Variants in RBL2 observed in about 807,000 individuals in gnomAD.
The protein encoded by RBL2 is retinoblastoma-like protein 2.
In RBL2, 56 loss-of-function variants were observed where a neutral mutation model predicts 126.0. The ratio of observed to expected loss-of-function variants is 0.44; its 90% confidence interval spans 0.36 to 0.56. The LOEUF is 0.56. Ranked by LOEUF, RBL2 falls within the 20% of genes least tolerant of loss-of-function variation. The pLI is 0.00. For missense variants in RBL2, 1,229 were observed against 1,398.2 expected (o/e 0.88, Z 1.93); for synonymous variants, 454 against 478.5 (o/e 0.95, Z 0.67).
intron 8 of RBL2, 123 bp downstream of exon 8, chr16:53,454,965 C>T: frequency 1.4e-6 from 1 of 718,044 alleles, no homozygotes; most frequent in Non-Finnish European, 2.1e-6. Context: ...AAATTCTCAT[C>T]ATACTTCTCT....
chr16:53,472,242 TTGAG>T (rs759742175), intron 17 of RBL2, among the ~76,000 whole-genome samples: 11 of 152,186 alleles, frequency 7.2e-5, no homozygotes, highest in Admixed American at 2.0e-4. Context: ...ATGTACCTGT[TTGAG>T]TGCCCATTTT....
At chr16:53,477,056 T>TG (rs1960750036) in intron 17 of RBL2, among the ~76,000 whole-genome samples, 1 of 50,146 alleles carries the variant, frequency 2.0e-5, no homozygotes, top group African/African-American at 9.4e-5. Flanking sequence ...TTGGTTTCAT[T>TG]TTGTGTGTGT....
intron 1 of RBL2, among the ~76,000 whole-genome samples, chr16:53,435,289 G>GCA (rs566332273): frequency 1.4e-3 from 210 of 152,266 alleles, no homozygotes; most frequent in Non-Finnish European, 2.6e-3. Flanking sequence ...GAGTCAACGT[G>GCA]CTGATGCGTT....
intron 5 of RBL2, among the ~76,000 whole-genome samples, chr16:53,452,772 T>C (rs1175133354): frequency 6.6e-6 from 1 of 152,074 alleles, no homozygotes; most frequent in African/African-American, 2.4e-5. Context: ...GCTCAGATGA[T>C]CCTCTCATCT....
intron 17 of RBL2, among the ~76,000 whole-genome samples, chr16:53,474,301 T>TTTTATTTATTTATTTA (rs58302976): frequency 3.6e-4 from 54 of 149,926 alleles, no homozygotes; most frequent in African/African-American, 1.2e-3. Flanking sequence ...GCTGTAATTC[T>TTTTATTTATTTATTTA]TTTATTTATT....
chr16:53,485,215 T>G (rs889441172), intron 21 of RBL2, among the ~76,000 whole-genome samples: 5 of 152,202 alleles, frequency 3.3e-5, no homozygotes, highest in Admixed American at 1.3e-4. Flanking sequence ...AGGGTTGAAA[T>G]ACTGTGTTTT....
At chr16:53,476,953 T>A (rs952456921) in intron 17 of RBL2, among the ~76,000 whole-genome samples, 1 of 152,260 alleles carries the variant, frequency 6.6e-6, no homozygotes, top group African/African-American at 2.4e-5. Context: ...TCTGCCATTT[T>A]ACTTTTTGTT....
chr16:53,449,958 C>CTTTT (rs764078451), intron 4 of RBL2, among the ~76,000 whole-genome samples: 6 of 109,742 alleles, frequency 5.5e-5, no homozygotes, highest in Non-Finnish European at 9.3e-5. Flanking sequence ...ACAGTACTGC[C>CTTTT]TTTTTTTTTT....
At chr16:53,449,293 A>C (rs1598095549) in intron 4 of RBL2, 2 of 152,196 alleles carry the variant, frequency 1.3e-5, no homozygotes, top group African/African-American at 4.8e-5. Context: ...TTGGTACTAT[A>C]TATAATATGT....
chr16:53,461,881 T>A (rs781735246), intron 10 of RBL2, 31 bp downstream of exon 10: 2 of 1,550,336 alleles, frequency 1.3e-6, no homozygotes, highest in Admixed American at 3.4e-5. Context: ...TCTGCTTTTA[T>A]GTTTGAAGTT....
At chr16:53,467,204 T>G in intron 14 of RBL2, 35 bp downstream of exon 14, 2 of 1,525,276 alleles carry the variant, frequency 1.3e-6, no homozygotes, top group African/African-American at 1.4e-5. Flanking sequence ...ATTTTGGGGC[T>G]TACTATCTGG....
intron 9 of RBL2, among the ~76,000 whole-genome samples, chr16:53,460,775 T>C (rs1419006308): frequency 6.6e-6 from 1 of 152,190 alleles, no homozygotes; most frequent in Non-Finnish European, 1.5e-5. Context: ...GTAATTGATT[T>C]TTATTCTCTT....
At position 53,470,664 on chromosome 16, in the gene RBL2, G is replaced by A; in HGVS notation, c.2526+1G>A. 2 of 1,613,690 alleles carry A rather than the reference G, an allele frequency of 1.2e-6. No individual in the cohort carries two copies. Among genetic ancestry groups the A allele is most frequent in the Non-Finnish European group, 8.5e-7 (1 of 1,179,642 alleles). ...CTCTTTATCGCTTTTCTTTAGAAAG[G>A]TAATTTTTCACATACCTTATCAGAG... is the stretch of plus-strand genomic sequence containing the variant. On this transcript the variant is annotated splice_donor_variant, in intron 16 of 21. Transcript: ENST00000262133. LOFTEE classifies it high-confidence loss of function.
chr16:53,461,874 G>C, intron 10 of RBL2, 24 bp downstream of exon 10: 2 of 1,564,250 alleles, frequency 1.3e-6, no homozygotes, highest in South Asian at 1.1e-5. Flanking sequence ...TTGTTATTCT[G>C]CTTTTATGTT....
chr16:53,436,615 A>G (rs2057960879), intron 1 of RBL2, among the ~76,000 whole-genome samples: 1 of 152,218 alleles, frequency 6.6e-6, no homozygotes, highest in African/African-American at 2.4e-5. Context: ...GCAAGGGAAA[A>G]TAAAGCTCTT....
At chr16:53,442,979 C>T (rs2058030199) in intron 3 of RBL2, 121 bp downstream of exon 3, 1 of 810,444 alleles carries the variant, frequency 1.2e-6, no homozygotes, top group Admixed American at 3.7e-5. Flanking sequence ...TCTTTTTCCT[C>T]AGTCGTTTTC....
At chr16:53,468,419 C>T (rs2058290692) in intron 14 of RBL2, among the ~76,000 whole-genome samples, 1 of 152,084 alleles carries the variant, frequency 6.6e-6, no homozygotes, top group East Asian at 1.9e-4. Context: ...ATACTTAATA[C>T]ACATGGATGA....
intron 5 of RBL2, among the ~76,000 whole-genome samples, chr16:53,452,726 G>C (rs1309424391): frequency 6.6e-6 from 1 of 151,950 alleles, no homozygotes; most frequent in Non-Finnish European, 1.5e-5. Context: ...GGATGCAGTG[G>C]TGCAATCACA....
intron 5 of RBL2, 98 bp from the exon 6 acceptor site, chr16:53,453,354 G>T: frequency 9.1e-7 from 1 of 1,098,232 alleles, no homozygotes. Context: ...TGTATGCTAA[G>T]TGGTATACTG....
Sources: allele counts gnomAD v4.1 joint callset (sites outside exome capture counted in the v4.1 genomes callset), GRCh38; gene constraint gnomAD v4.1.1; transcripts MANE v1.5; gene names NCBI Gene and HGNC (gene_info 2026-07-23, HGNC 2026-07-21).